SLIRP: variants seen among roughly 807,000 people sequenced by gnomAD.
The protein encoded by SLIRP is SRA stem-loop interacting RNA binding protein.
SLIRP carries 12 observed loss-of-function variants against 13.4 expected under a neutral mutation model. The ratio of observed to expected loss-of-function variants is 0.89; its 90% CI spans 0.57 to 1.45. The LOEUF (loss-of-function observed/expected upper bound fraction) is 1.45. Ranked by LOEUF, SLIRP falls within the 40% of genes most tolerant of loss-of-function variation. The pLI is 0.00. For missense variants in SLIRP, 154 were observed against 132.2 expected (o/e 1.17, Z -0.81); for synonymous variants, 55 against 47.1 (o/e 1.17, Z -0.69).
rs777692591 is a variant in SLIRP at position 77,708,105 on chromosome 14, T to C, written c.-7T>C. ...ACCTCGGCTCGAGAAGGTGCTTTAG[T>C]CTGAAGATGGCGGCCTCAGCAGCGA... On this transcript the variant is annotated 5_prime_UTR_variant, in exon 1 of 4. Transcript: ENST00000557342. 6.2e-7 allele frequency: 1 copy of C among 1,613,880 alleles called. No homozygotes were observed. Among genetic ancestry groups the C allele is most frequent in the African/African-American group, 1.3e-5 (1 of 75,038 alleles).
At position 77,710,889 on chromosome 14, in the gene SLIRP, T is replaced by C; in HGVS notation, c.149T>C (p.Leu50Ser). 2 of 1,614,150 alleles carry C rather than the reference T, an allele frequency of 1.2e-6. No homozygotes were observed. The highest frequency in any genetic ancestry group is 1.7e-6 in the Non-Finnish European group (2 of 1,180,016). The change falls in exon 2 of 4, where the codon TTA becomes TCA. Residue 50 changes from leucine to serine, a missense_variant. By Grantham distance (145) the Leu-to-Ser change is moderately radical (BLOSUM62 -2). Coordinates refer to ENST00000557342, the MANE Select transcript of SLIRP (RefSeq NM_031210.6). ...TTCGGCCATGTCAGAAGGTGCATTT[T>C]ACCTTTTGTAAGTATTAAGGAAAAG... ...AQFGHVRRCI[L>S]PFDKETGFHR...
chr14:77,710,555 G>A, intron 1 of SLIRP: 1 of 1,436,320 alleles, frequency 7.0e-7, no homozygotes, highest in Non-Finnish European at 9.2e-7. Flanking sequence ...CTGCTCACAG[G>A]GATCATAGTC....
intron 3 of SLIRP, among the ~76,000 whole-genome samples, chr14:77,717,059 C>A (rs1361756721): frequency 6.6e-6 from 1 of 152,238 alleles, no homozygotes; most frequent in African/African-American, 2.4e-5. Flanking sequence ...GCCACAGCGC[C>A]TGGCCAGCAG....
intron 2 of SLIRP, among the ~76,000 whole-genome samples, chr14:77,712,490 G>T (rs1208150929): frequency 7.1e-6 from 1 of 141,510 alleles, no homozygotes; most frequent in African/African-American, 2.7e-5. Flanking sequence ...TGTGGCCTAG[G>T]CTGGAGTGCA....
chr14:77,717,388 C>A, intron 3 of SLIRP, 108 bp from the exon 4 acceptor site: 1 of 907,724 alleles, frequency 1.1e-6, no homozygotes, highest in Non-Finnish European at 1.7e-6. Context: ...CAAATAAAAA[C>A]TGCCTGGGTT....
At chr14:77,709,970 T>A (rs2080427991) in intron 1 of SLIRP, among the ~76,000 whole-genome samples, 1 of 152,170 alleles carries the variant, frequency 6.6e-6, no homozygotes, top group African/African-American at 2.4e-5. Context: ...TGAGGGAGCT[T>A]ACAATTAGTG....
chr14:77,714,384 G>C (rs181696971), intron 2 of SLIRP, among the ~76,000 whole-genome samples: 3 of 152,080 alleles, frequency 2.0e-5, no homozygotes, highest in Non-Finnish European at 4.4e-5. Flanking sequence ...CACTGCAATC[G>C]CTGCCTCCTG....
intron 1 of SLIRP, among the ~76,000 whole-genome samples, chr14:77,709,602 T>C (rs1197215173): frequency 1.3e-5 from 2 of 152,236 alleles, no homozygotes; most frequent in East Asian, 3.8e-4. Context: ...TCAGCAAATA[T>C]TTATTTGAGT....
Position 77,708,211 on chromosome 14 carries a change from G to C in SLIRP, c.97+3G>C, listed in dbSNP as rs879001186. 1.9e-6 allele frequency: 3 copies of C among 1,613,970 alleles called. No homozygotes were observed. Among genetic ancestry groups the C allele is most frequent in the Non-Finnish European group, 2.5e-6 (3 of 1,179,844 alleles). On this transcript the variant is annotated splice_donor_region_variant and intron_variant, in intron 1 of 3. Coordinates refer to ENST00000557342, the MANE Select transcript of SLIRP (RefSeq NM_031210.6). ...AATTCCTTGGACTGCGGCGTCGAGTGAGTGATGGAGATGTGGGAGTAGTGG... is the reference window on the plus strand; with the variant it reads ...AATTCCTTGGACTGCGGCGTCGAGTCAGTGATGGAGATGTGGGAGTAGTGG...
At chr14:77,717,038 T>TA (rs2080490407) in intron 3 of SLIRP, among the ~76,000 whole-genome samples, 1 of 152,236 alleles carries the variant, frequency 6.6e-6, no homozygotes, top group South Asian at 2.1e-4. Flanking sequence ...GTGCTGGGAT[T>TA]ACAGGCGTGA....
At chr14:77,711,829 G>C (rs1010633019) in intron 2 of SLIRP, 1 of 152,418 alleles carries the variant, frequency 6.6e-6, no homozygotes, top group African/African-American at 2.4e-5. Flanking sequence ...AAAATGTTGA[G>C]ATTACAGGTG....
chr14:77,710,332 G>A lies in SLIRP; in HGVS notation c.98-506G>A, dbSNP rs554202143. 2.0e-5 allele frequency among the ~76,000 whole-genome samples: 3 copies of A among 152,122 alleles called. No homozygotes were observed. The South Asian group carries it at 6.2e-4, about 32-fold the overall frequency. On this transcript the variant is annotated intron_variant, in intron 1 of 3. Coordinates refer to ENST00000557342, the MANE Select transcript of SLIRP (RefSeq NM_031210.6). ...GGGAGAGAACAACATATGCAAAGAG[G>A]GTAACCCGCAGGACAGATAAAGATA...
At chr14:77,714,424 C>T (rs528857597) in intron 2 of SLIRP, among the ~76,000 whole-genome samples, 1 of 152,168 alleles carries the variant, frequency 6.6e-6, no homozygotes, top group Non-Finnish European at 1.5e-5. Flanking sequence ...CCTCAGTCAC[C>T]CAGATAGCTG....
chr14:77,715,727 T>G (rs773066036), intron 2 of SLIRP, 45 bp from the exon 3 acceptor site: 29 of 1,518,894 alleles, frequency 1.9e-5, no homozygotes, highest in Non-Finnish European at 2.4e-5. Flanking sequence ...CATGGAAACT[T>G]TCTGAAGTTC....
rs202069085 is a variant in SLIRP at position 77,717,582 on chromosome 14, G to A, written c.*21G>A. The A allele has an allele frequency of 1.2e-4, 191 of 1,594,238 alleles. 1 individual carries two copies. Among genetic ancestry groups the A allele is most frequent in the African/African-American group, 8.6e-4 (64 of 74,368 alleles). Reference sequence around the variant, plus strand: ...TTTGAGACTGCAGCCTATTAATAAAGTTAACATAACTGAGAATTTTGTCTA... The same window carrying A: ...TTTGAGACTGCAGCCTATTAATAAAATTAACATAACTGAGAATTTTGTCTA... On this transcript the variant is annotated 3_prime_UTR_variant, in exon 4 of 4. Transcript: ENST00000557342.
At chr14:77,714,782 G>T (rs889817078) in intron 2 of SLIRP, among the ~76,000 whole-genome samples, 3 of 151,776 alleles carry the variant, frequency 2.0e-5, no homozygotes, top group Admixed American at 1.3e-4. Context: ...GTAAGATTTT[G>T]TTTTTTTTGG....
chr14:77,712,064 T>C (rs181172527), intron 2 of SLIRP: 1 of 152,326 alleles, frequency 6.6e-6, no homozygotes, highest in African/African-American at 2.4e-5. Flanking sequence ...TGTGTTAGTT[T>C]TTTTATTGTT....
intron 1 of SLIRP, among the ~76,000 whole-genome samples, chr14:77,710,064 TATAAAAA>T (rs2139875196): frequency 6.6e-6 from 1 of 152,274 alleles, no homozygotes; most frequent in African/African-American, 2.4e-5. Context: ...AAATAGATAT[TATAAAAA>T]GTAAATCAGT....
intron 1 of SLIRP, among the ~76,000 whole-genome samples, chr14:77,709,951 T>A (rs1355303727): frequency 6.6e-6 from 1 of 152,172 alleles, no homozygotes; most frequent in Non-Finnish European, 1.5e-5. Flanking sequence ...AACATAGTGG[T>A]TTATATGCTG....
Sources: allele counts gnomAD v4.1 joint callset (sites outside exome capture counted in the v4.1 genomes callset), GRCh38; gene constraint gnomAD v4.1.1; transcripts MANE v1.5; gene names NCBI Gene and HGNC (gene_info 2026-07-23, HGNC 2026-07-21).